Variants in RNF228 observed in about 807,000 individuals in gnomAD.
RNF228 encodes ring finger protein 228.
the RNF228 span, among the ~76,000 whole-genome samples, chr2:222,314,227 C>T: frequency 1.3e-5 from 2 of 152,180 alleles, no homozygotes; most frequent in Non-Finnish European, 2.9e-5. Context: ...TTTTCTTTGG[C>T]ATATTTCAGT....
chr2:222,319,706 C>T, the RNF228 span, among the ~76,000 whole-genome samples: 1 of 143,612 alleles, frequency 7.0e-6, no homozygotes, highest in Non-Finnish European at 1.5e-5. The surrounding 1 kb of genome is among the most constrained non-coding windows in gnomAD (Gnocchi z 7.6). Flanking sequence ...ACACCGGGCA[C>T]GCGATGGCGC....
the RNF228 span, chr2:222,318,723 G>C: frequency 2.0e-5 from 3 of 152,256 alleles, no homozygotes; most frequent in East Asian, 5.8e-4. Context: ...CGAGGACGAG[G>C]GTGGTGCATA....
the RNF228 span, chr2:222,317,975 T>C: frequency 6.6e-6 from 1 of 152,218 alleles, no homozygotes. Context: ...AACAATTTTC[T>C]GGAAATCTTA....
the RNF228 span, among the ~76,000 whole-genome samples, chr2:222,316,519 T>C: frequency 1.3e-5 from 2 of 152,204 alleles, no homozygotes; most frequent in Non-Finnish European, 2.9e-5. Flanking sequence ...TCTTTTAGGT[T>C]ACATTATTGG....
At chr2:222,316,193 C>T in the RNF228 span, among the ~76,000 whole-genome samples, 1 of 152,222 alleles carries the variant, frequency 6.6e-6, no homozygotes, top group Non-Finnish European at 1.5e-5. Context: ...TAAACCCAAT[C>T]TGCTGAATGG....
the RNF228 span, among the ~76,000 whole-genome samples, chr2:222,316,735 T>C: frequency 6.6e-6 from 1 of 152,208 alleles, no homozygotes; most frequent in African/African-American, 2.4e-5. Context: ...ACCTAATACA[T>C]ACATATATAC....
At chr2:222,316,207 G>A in the RNF228 span, among the ~76,000 whole-genome samples, 1 of 152,226 alleles carries the variant, frequency 6.6e-6, no homozygotes, top group Non-Finnish European at 1.5e-5. Context: ...TGAATGGAGA[G>A]AGGGGAGAGA....
the RNF228 span, among the ~76,000 whole-genome samples, chr2:222,317,026 C>G: frequency 2.0e-5 from 3 of 152,158 alleles, no homozygotes; most frequent in South Asian, 6.2e-4. Flanking sequence ...CAGAATACAA[C>G]AGATCTCACT....
the RNF228 span, among the ~76,000 whole-genome samples, chr2:222,314,538 G>C: frequency 1.3e-5 from 2 of 152,190 alleles, no homozygotes; most frequent in South Asian, 4.1e-4. Context: ...TGCATATTTA[G>C]CAAGCATGCA....
the RNF228 span, chr2:222,319,120 C>T: frequency 4.4e-6 from 1 of 229,276 alleles, no homozygotes; most frequent in East Asian, 7.9e-5. This position sits in a 1 kb window ranked among gnomAD's most constrained non-coding sequence, Gnocchi z 7.6. Flanking sequence ...GCGGCCGCAC[C>T]CTCGGGCCGA....
chr2:222,316,039 A>G, the RNF228 span, among the ~76,000 whole-genome samples: 1 of 151,976 alleles, frequency 6.6e-6, no homozygotes, highest in Non-Finnish European at 1.5e-5. Flanking sequence ...CAAGATGAAG[A>G]GTTGCCATGG....
the RNF228 span, among the ~76,000 whole-genome samples, chr2:222,319,533 G>T: frequency 2.8e-5 from 4 of 145,136 alleles, no homozygotes; most frequent in Admixed American, 6.8e-5. This position sits in a 1 kb window ranked among gnomAD's most constrained non-coding sequence, Gnocchi z 7.6. Context: ...GGTGGGCGGC[G>T]GGGCAGCAGC....
At chr2:222,315,907 T>G in the RNF228 span, among the ~76,000 whole-genome samples, 1 of 152,154 alleles carries the variant, frequency 6.6e-6, no homozygotes, top group Non-Finnish European at 1.5e-5. Flanking sequence ...CCCTAGAACC[T>G]AGGCAGAATG....
At chr2:222,314,200 C>T in the RNF228 span, among the ~76,000 whole-genome samples, 3,206 of 152,240 alleles carry the variant, frequency 0.021, 107 homozygotes, top group African/African-American at 0.073. Flanking sequence ...GTGAATTCAT[C>T]ACAGAAACAA....
chr2:222,315,165 T>C, the RNF228 span, among the ~76,000 whole-genome samples: 3 of 151,968 alleles, frequency 2.0e-5, no homozygotes, highest in Non-Finnish European at 4.4e-5. Context: ...GGAGTTATGG[T>C]CAGTGTGAGT....
chr2:222,314,684 A>G, the RNF228 span, among the ~76,000 whole-genome samples: 11 of 152,390 alleles, frequency 7.2e-5, no homozygotes, highest in Admixed American at 6.5e-4. Context: ...TTACTTAGTT[A>G]TTAAGATCAT....
chr2:222,314,308 C>T, the RNF228 span, among the ~76,000 whole-genome samples: 1 of 152,150 alleles, frequency 6.6e-6, no homozygotes, highest in African/African-American at 2.4e-5. Flanking sequence ...TATTACAAAG[C>T]TTATCTTATA....
the RNF228 span, chr2:222,317,802 T>C: frequency 4.6e-5 from 7 of 152,222 alleles, no homozygotes; most frequent in African/African-American, 1.7e-4. Context: ...AGTTAGTTGA[T>C]TTCATGTTTG....
chr2:222,319,494 G>C, the RNF228 span: 8 of 145,896 alleles, frequency 5.5e-5, no homozygotes, highest in African/African-American at 2.0e-4. This position sits in a 1 kb window ranked among gnomAD's most constrained non-coding sequence, Gnocchi z 7.6. Context: ...CTGCGGTGGG[G>C]CGGGGGAGGG....
Sources: gnomAD v4.1 joint callset for allele counts (sites outside exome capture counted in the v4.1 genomes callset) on GRCh38, gnomAD v4.1.1 for gene constraint, Gnocchi (gnomAD v3.1) non-coding constraint, MANE v1.5 for transcripts, NCBI Gene and HGNC (gene_info 2026-07-23, HGNC 2026-07-21) for gene names.